Variants in COLEC10 observed in about 807,000 individuals in gnomAD.
COLEC10 encodes the protein collectin subfamily member 10.
In COLEC10, 22 loss-of-function variants were observed where a neutral mutation model predicts 28.4. The ratio of observed to expected loss-of-function variants is 0.78; its 90% CI spans 0.55 to 1.11. The LOEUF is 1.11. Among genes scored for constraint, COLEC10 ranks in the 50% least tolerant of loss-of-function variants. The pLI, the probability that COLEC10 is intolerant of heterozygous loss-of-function variation, is 0.00. For synonymous variants in COLEC10, 125 were observed against 116.1 expected (o/e 1.08, Z -0.49); for missense variants, 361 against 344.1 (o/e 1.05, Z -0.39).
At chr8:118,968,535 T>C in the COLEC10 span, among the ~76,000 whole-genome samples, 1 of 152,042 alleles carries the variant, frequency 6.6e-6, no homozygotes, top group East Asian at 1.9e-4. Context: ...AGTGGGAGCA[T>C]CCCAGAATTT....
At chr8:118,965,535 G>A in the COLEC10 span, among the ~76,000 whole-genome samples, 1 of 152,082 alleles carries the variant, frequency 6.6e-6, no homozygotes, top group Middle Eastern at 3.4e-3. Flanking sequence ...GACCGGGGCT[G>A]AGCCACACAC....
At chr8:119,096,500 A>T (rs570667149) in intron 3 of COLEC10, among the ~76,000 whole-genome samples, 85 of 150,680 alleles carry the variant, frequency 5.6e-4, no homozygotes, top group African/African-American at 1.9e-3. Flanking sequence ...CTGAGGTGGG[A>T]GAATCACTTG....
chr8:118,966,960 T>C, the COLEC10 span, among the ~76,000 whole-genome samples: 3 of 152,138 alleles, frequency 2.0e-5, no homozygotes, highest in Admixed American at 2.0e-4. Context: ...ATTCACAGTC[T>C]TTTTGGAGTT....
At chr8:119,097,747 G>A (rs568326259) in intron 3 of COLEC10, among the ~76,000 whole-genome samples, 1 of 152,188 alleles carries the variant, frequency 6.6e-6, no homozygotes, top group South Asian at 2.1e-4. Context: ...AAATTTCTGA[G>A]ATGCAGCTAT....
chr8:118,973,321 A>G, the COLEC10 span, among the ~76,000 whole-genome samples: 4 of 151,946 alleles, frequency 2.6e-5, no homozygotes, highest in Non-Finnish European at 5.9e-5. Context: ...AGCTTCTCTC[A>G]GGGTCTTCTA....
At chr8:119,012,822 C>T (rs1170868816) in intron 2 of COLEC10, among the ~76,000 whole-genome samples, 1 of 150,118 alleles carries the variant, frequency 6.7e-6, no homozygotes, top group Non-Finnish European at 1.5e-5. Context: ...GTTCCTTTTT[C>T]ATTTCTGATA....
upstream of COLEC10, among the ~76,000 whole-genome samples, chr8:118,993,321 T>C (rs576617408): frequency 6.6e-6 from 1 of 152,014 alleles, no homozygotes; most frequent in African/African-American, 2.4e-5. Context: ...ACATGATCTT[T>C]CTTCTTCTTG....
the COLEC10 span, among the ~76,000 whole-genome samples, chr8:118,984,471 C>A: frequency 6.6e-6 from 1 of 151,966 alleles, no homozygotes. Flanking sequence ...GCCCATGTAC[C>A]CCTGAACCTA....
intron 2 of COLEC10, among the ~76,000 whole-genome samples, chr8:119,024,617 G>A (rs963807077): frequency 6.6e-6 from 1 of 151,902 alleles, no homozygotes; most frequent in Non-Finnish European, 1.5e-5. Flanking sequence ...ATGACAGTGT[G>A]CAGCCACCTG....
At chr8:119,090,598 C>A (rs1815570265) in intron 2 of COLEC10, among the ~76,000 whole-genome samples, 1 of 152,160 alleles carries the variant, frequency 6.6e-6, no homozygotes. Context: ...ATTTTTTAGA[C>A]TTTTATAAAA....
chr8:119,105,746 T>C, intron 5 of COLEC10, 54 bp from the exon 6 acceptor site: 2 of 1,453,512 alleles, frequency 1.4e-6, no homozygotes, highest in Non-Finnish European at 1.9e-6. Context: ...TATAATTTTG[T>C]TGCCTTTTAT....
At chr8:118,998,375 G>T (rs1275502701) in intron 1 of COLEC10, among the ~76,000 whole-genome samples, 3 of 152,052 alleles carry the variant, frequency 2.0e-5, no homozygotes, top group East Asian at 3.9e-4. Context: ...CCTATCTAAA[G>T]TTGAGGAAAT....
intron 1 of COLEC10, among the ~76,000 whole-genome samples, chr8:119,082,118 G>T (rs770206336): frequency 1.3e-5 from 2 of 152,144 alleles, no homozygotes; most frequent in Non-Finnish European, 2.9e-5. Context: ...AAGCTGATTC[G>T]GGTACTGAGC....
At chr8:118,990,285 G>A in the COLEC10 span, among the ~76,000 whole-genome samples, 3 of 151,982 alleles carry the variant, frequency 2.0e-5, no homozygotes, top group Non-Finnish European at 4.4e-5. Context: ...TATTTTAAAA[G>A]CTGAGAAGAA....
chr8:118,998,846 CA>C (rs567463648), intron 1 of COLEC10, among the ~76,000 whole-genome samples: 1,063 of 76,586 alleles, frequency 0.014, 11 homozygotes, highest in African/African-American at 0.04. Context: ...GACTCCGTCT[CA>C]AAAAAAAAAA....
chr8:119,102,229 TC>T, intron 3 of COLEC10, 118 bp from the exon 4 acceptor site: 5 of 222,422 alleles, frequency 2.2e-5, no homozygotes, highest in Admixed American at 6.9e-5. Flanking sequence ...CCTCCCTCCC[TC>T]CCTCCCTCCC....
At chr8:119,079,512 C>A (rs1027445331) in intron 1 of COLEC10, among the ~76,000 whole-genome samples, 1 of 152,090 alleles carries the variant, frequency 6.6e-6, no homozygotes, top group African/African-American at 2.4e-5. Flanking sequence ...ACTGAGAATG[C>A]ATTTTAATAA....
the COLEC10 span, among the ~76,000 whole-genome samples, chr8:118,981,534 T>A: frequency 6.6e-6 from 1 of 152,168 alleles, no homozygotes; most frequent in African/African-American, 2.4e-5. Context: ...TTGTGTGGTA[T>A]ATTTTCTAAC....
chr8:118,953,913 C>T, the COLEC10 span, among the ~76,000 whole-genome samples: 1 of 152,120 alleles, frequency 6.6e-6, no homozygotes, highest in Admixed American at 6.5e-5. Flanking sequence ...ATAATCACAT[C>T]TACCTCAAAG....
Sources: allele counts gnomAD v4.1 joint callset (sites outside exome capture counted in the v4.1 genomes callset), GRCh38; gene constraint gnomAD v4.1.1; transcripts MANE v1.5; gene names NCBI Gene and HGNC (gene_info 2026-07-23, HGNC 2026-07-21).